Variants in HS3ST2 observed in about 807,000 individuals in gnomAD.
HS3ST2 encodes the protein heparan sulfate-glucosamine 3-sulfotransferase 2.
In HS3ST2, 17 loss-of-function variants were observed where a neutral mutation model predicts 26.3. That is an observed-to-expected ratio of 0.65 (90% CI 0.44 to 0.97). The LOEUF (loss-of-function observed/expected upper bound fraction) is 0.97. Ranked by LOEUF, HS3ST2 falls within the 50% of genes least tolerant of loss-of-function variation. HS3ST2 has a pLI of 0.00. For synonymous variants in HS3ST2, 237 were observed against 219.2 expected (o/e 1.08, Z -0.72); for missense variants, 402 against 501.2 (o/e 0.80, Z 1.89).
chr16:22,864,628 T>A (rs977416492), intron 1 of HS3ST2, among the ~76,000 whole-genome samples: 1 of 151,790 alleles, frequency 6.6e-6, no homozygotes, highest in African/African-American at 2.4e-5. Flanking sequence ...GAGCCCAGAG[T>A]ATATCTATCT....
intron 1 of HS3ST2, among the ~76,000 whole-genome samples, chr16:22,889,076 C>T (rs894165587): frequency 2.6e-5 from 4 of 152,346 alleles, no homozygotes; most frequent in Admixed American, 6.5e-5. Context: ...GCCGTGGCAT[C>T]GTGACAGTCG....
At chr16:22,876,618 C>A (rs1901922678) in intron 1 of HS3ST2, among the ~76,000 whole-genome samples, 1 of 152,172 alleles carries the variant, frequency 6.6e-6, no homozygotes, top group Non-Finnish European at 1.5e-5. Flanking sequence ...ACCCAGCAAT[C>A]CCACTCCTGG....
chr16:22,858,994 T>A (rs1221884460), intron 1 of HS3ST2, among the ~76,000 whole-genome samples: 4 of 152,132 alleles, frequency 2.6e-5, no homozygotes, highest in Non-Finnish European at 4.4e-5. Context: ...AGCGAGACCC[T>A]GTCTCTACAA....
At position 22,822,056 on chromosome 16, in the gene HS3ST2, T is replaced by A. The variant is rs547150029; in HGVS notation, c.485+6961T>A. Among the ~76,000 whole-genome samples, 3 of 152,230 alleles carry A rather than the reference T, an allele frequency of 2.0e-5. No individual in the cohort carries two copies. In the South Asian group the frequency reaches 6.2e-4, roughly 32 times the overall value. The stretch of plus-strand genomic sequence containing the variant: ...GAAAGCCAGAAGTGTCTGCTCTAGG[T>A]GGAGGCTAAAGGACCTCTCACACTG... On this transcript the variant is annotated intron_variant, in intron 1 of 1. Transcript: ENST00000261374.
intron 1 of HS3ST2, among the ~76,000 whole-genome samples, chr16:22,903,736 C>T (rs1002451675): frequency 3.3e-5 from 5 of 152,142 alleles, no homozygotes; most frequent in African/African-American, 9.7e-5. Flanking sequence ...TTTGTAGTCT[C>T]CACTTGTCAC....
chr16:22,876,432 T>A (rs1327019222), intron 1 of HS3ST2, among the ~76,000 whole-genome samples: 1 of 152,194 alleles, frequency 6.6e-6, no homozygotes, highest in East Asian at 1.9e-4. Flanking sequence ...ATAGCCATCA[T>A]TTTTTAAAAA....
chr16:22,817,893 C>T (rs201015359), intron 1 of HS3ST2, among the ~76,000 whole-genome samples: 1 of 91,016 alleles, frequency 1.1e-5, no homozygotes, highest in Non-Finnish European at 2.2e-5. Context: ...AAAGGAGGGG[C>T]TTCTTTCTGT....
chr16:22,824,933 G>T (rs1901060718), intron 1 of HS3ST2, among the ~76,000 whole-genome samples: 1 of 152,154 alleles, frequency 6.6e-6, no homozygotes, highest in Non-Finnish European at 1.5e-5. Flanking sequence ...AGTGGGCATT[G>T]AAGCAAGGCC....
chr16:22,870,124 C>T (rs1345050785), intron 1 of HS3ST2, among the ~76,000 whole-genome samples: 1 of 151,942 alleles, frequency 6.6e-6, no homozygotes, highest in African/African-American at 2.4e-5. Flanking sequence ...AGAAAGTGGC[C>T]GATGTGGAAT....
intron 1 of HS3ST2, among the ~76,000 whole-genome samples, chr16:22,828,631 C>A (rs1267955227): frequency 6.6e-6 from 1 of 152,186 alleles, no homozygotes; most frequent in Non-Finnish European, 1.5e-5. Context: ...TTTGCTCAGG[C>A]GAGATGGCTT....
At chr16:22,892,798 T>C (rs966127023) in intron 1 of HS3ST2, among the ~76,000 whole-genome samples, 1 of 152,358 alleles carries the variant, frequency 6.6e-6, no homozygotes, top group Non-Finnish European at 1.5e-5. Flanking sequence ...TAATATGGGC[T>C]ATTACAATTC....
At chr16:22,825,003 G>A (rs1274304530) in intron 1 of HS3ST2, among the ~76,000 whole-genome samples, 8 of 152,296 alleles carry the variant, frequency 5.3e-5, no homozygotes, top group Admixed American at 4.6e-4. Context: ...TGGAGAGAGA[G>A]AGAGAGGGAG....
intron 1 of HS3ST2, among the ~76,000 whole-genome samples, chr16:22,852,397 G>A (rs903278218): frequency 1.3e-5 from 2 of 152,312 alleles, no homozygotes; most frequent in African/African-American, 2.4e-5. Context: ...TGTTTTAGGA[G>A]GCAAGCTCAG....
At chr16:22,892,071 G>A (rs1488008604) in intron 1 of HS3ST2, among the ~76,000 whole-genome samples, 5 of 148,570 alleles carry the variant, frequency 3.4e-5, no homozygotes, top group African/African-American at 1.0e-4. Context: ...TCAGGAGATC[G>A]AGATCATCCT....
intron 1 of HS3ST2, among the ~76,000 whole-genome samples, chr16:22,870,679 T>C (rs1467766779): frequency 6.6e-6 from 1 of 152,136 alleles, no homozygotes; most frequent in Non-Finnish European, 1.5e-5. Context: ...GTGCATTGTG[T>C]TTCTCTCACC....
At chr16:22,870,125 G>A (rs28375091) in intron 1 of HS3ST2, among the ~76,000 whole-genome samples, 15,443 of 152,074 alleles carry the variant, frequency 0.1, 871 homozygotes, top group East Asian at 0.13. Context: ...GAAAGTGGCC[G>A]ATGTGGAATT....
intron 1 of HS3ST2, among the ~76,000 whole-genome samples, chr16:22,892,354 A>G (rs990234707): frequency 6.6e-6 from 1 of 152,046 alleles, no homozygotes; most frequent in Admixed American, 6.6e-5. Flanking sequence ...TGGGAGAAGT[A>G]GACAATACCA....
At chr16:22,815,455 C>A (rs1436466527) in intron 1 of HS3ST2, among the ~76,000 whole-genome samples, 1 of 152,216 alleles carries the variant, frequency 6.6e-6, no homozygotes, top group African/African-American at 2.4e-5. Context: ...ACCATCCTAA[C>A]CCTCTGTAGG....
At chr16:22,871,138 A>G (rs73551265) in intron 1 of HS3ST2, among the ~76,000 whole-genome samples, 16,321 of 152,186 alleles carry the variant, frequency 0.11, 1,502 homozygotes, top group East Asian at 0.35. Context: ...CAGGTGGATC[A>G]CGAGATCAGG....
Sources: allele counts gnomAD v4.1 joint callset (sites outside exome capture counted in the v4.1 genomes callset), GRCh38; gene constraint gnomAD v4.1.1; transcripts MANE v1.5; gene names NCBI Gene and HGNC (gene_info 2026-07-23, HGNC 2026-07-21).